The following RAP1GDS1 variants were observed in gnomAD, a reference collection of about 807,000 sequenced individuals.
RAP1GDS1 encodes the protein Rap1 GTPase-GDP dissociation stimulator 1.
Under a neutral mutation model 71.1 loss-of-function variants are expected in RAP1GDS1, and 35 were observed. The observed-to-expected ratio is 0.49, with a 90% CI of 0.38 to 0.65. The LOEUF (loss-of-function observed/expected upper bound fraction) is 0.65. RAP1GDS1 is among the 30% of genes least tolerant of loss of function. RAP1GDS1 has a pLI of 0.00. For missense variants in RAP1GDS1, 663 were observed against 706.1 expected, an observed-to-expected ratio of 0.94 and a Z score of 0.69; for synonymous variants, 229 against 243.1, an observed-to-expected ratio of 0.94 and a Z score of 0.54.
intron 4 of RAP1GDS1, among the ~76,000 whole-genome samples, chr4:98,359,122 A>T (rs908767677): frequency 6.6e-6 from 1 of 152,080 alleles, no homozygotes; most frequent in Non-Finnish European, 1.5e-5. Flanking sequence ...AAAGACAAAA[A>T]TGCCTGTAAT....
intron 5 of RAP1GDS1, among the ~76,000 whole-genome samples, chr4:98,388,843 G>A (rs1743176158): frequency 6.6e-6 from 1 of 151,404 alleles, no homozygotes; most frequent in Non-Finnish European, 1.5e-5. Flanking sequence ...TATGTATTTG[G>A]GTTATGTCTG....
At chr4:98,300,492 C>T (rs1728421200) in intron 2 of RAP1GDS1, among the ~76,000 whole-genome samples, 1 of 151,930 alleles carries the variant, frequency 6.6e-6, no homozygotes, top group Non-Finnish European at 1.5e-5. Flanking sequence ...CTCCTCCTCC[C>T]ATGTTCAAAT....
chr4:98,329,196 T>TG (rs764130639), intron 2 of RAP1GDS1, among the ~76,000 whole-genome samples: 7 of 152,218 alleles, frequency 4.6e-5, no homozygotes, highest in South Asian at 2.1e-4. Context: ...ATTTTTGAAT[T>TG]GGGGGGGCAG....
intron 2 of RAP1GDS1, among the ~76,000 whole-genome samples, chr4:98,296,310 G>T (rs760069533): frequency 6.6e-6 from 1 of 152,140 alleles, no homozygotes; most frequent in Middle Eastern, 3.4e-3. Flanking sequence ...GTGTGATTTA[G>T]TGCATTTGAA....
At chr4:98,369,984 ATC>A (rs1740118255) in intron 4 of RAP1GDS1, among the ~76,000 whole-genome samples, 1 of 152,194 alleles carries the variant, frequency 6.6e-6, no homozygotes, top group Admixed American at 6.5e-5. Context: ...ATGGCTATGA[ATC>A]TCTTTCTGAC....
At chr4:98,353,493 G>A (rs550940271) in intron 4 of RAP1GDS1, among the ~76,000 whole-genome samples, 1 of 152,198 alleles carries the variant, frequency 6.6e-6, no homozygotes, top group East Asian at 1.9e-4. Context: ...ATATAAGCCA[G>A]AAAGAAAGGA....
intron 6 of RAP1GDS1, among the ~76,000 whole-genome samples, chr4:98,401,961 A>T (rs1017318190): frequency 6.6e-6 from 1 of 152,226 alleles, no homozygotes; most frequent in Non-Finnish European, 1.5e-5. Context: ...TGATGTCTAT[A>T]TACTTTACCT....
At chr4:98,346,458 A>G (rs1736276319) in intron 3 of RAP1GDS1, among the ~76,000 whole-genome samples, 1 of 151,852 alleles carries the variant, frequency 6.6e-6, no homozygotes, top group Non-Finnish European at 1.5e-5. Flanking sequence ...TAAAGTTGAG[A>G]CTCCAGAAAA....
intron 1 of RAP1GDS1, among the ~76,000 whole-genome samples, chr4:98,265,094 T>G (rs990480399): frequency 6.6e-6 from 1 of 152,192 alleles, no homozygotes; most frequent in Non-Finnish European, 1.5e-5. Context: ...ATTTGTCAGT[T>G]GAGTGCAGGA....
At chr4:98,425,752 A>G (rs1205463725) in intron 12 of RAP1GDS1, among the ~76,000 whole-genome samples, 1 of 152,146 alleles carries the variant, frequency 6.6e-6, no homozygotes, top group Non-Finnish European at 1.5e-5. Context: ...CCTAAGAAAC[A>G]AGATAGACAG....
intron 4 of RAP1GDS1, among the ~76,000 whole-genome samples, chr4:98,373,549 A>G (rs150772107): frequency 1.3e-5 from 2 of 152,126 alleles, no homozygotes; most frequent in Non-Finnish European, 2.9e-5. Context: ...TTTTTCAGTC[A>G]TTAACTCTTA....
chr4:98,436,076 A>C (rs1751089613), intron 13 of RAP1GDS1, among the ~76,000 whole-genome samples: 1 of 143,718 alleles, frequency 7.0e-6, no homozygotes, highest in Non-Finnish European at 1.5e-5. Context: ...GTCTCAAAAA[A>C]AAAATATATA....
At chr4:98,289,117 T>A (rs541622552) in intron 1 of RAP1GDS1, among the ~76,000 whole-genome samples, 1 of 152,164 alleles carries the variant, frequency 6.6e-6, no homozygotes, top group Non-Finnish European at 1.5e-5. Flanking sequence ...TTACTGTAGA[T>A]ATGTCACCTA....
At chr4:98,395,316 T>A (rs1167574746) in intron 6 of RAP1GDS1, among the ~76,000 whole-genome samples, 1 of 152,218 alleles carries the variant, frequency 6.6e-6, no homozygotes, top group Non-Finnish European at 1.5e-5. Flanking sequence ...CAATTAAAAA[T>A]TTTAATGGAT....
Position 98,283,998 on chromosome 4 carries a change from G to A in RAP1GDS1, c.5-9410G>A, listed in dbSNP as rs1357999163. On this transcript the variant is annotated intron_variant, in intron 1 of 14. Coordinates refer to ENST00000408927, the MANE Select transcript of RAP1GDS1 (RefSeq NM_001100427.2). ...AGCACAATATCTGTGTAACTTTCAT[G>A]TAACTGAGCAAAGTTCAGCTACCTA... Among the ~76,000 whole-genome samples, 8 of 151,974 alleles carry A rather than the reference G, an allele frequency of 5.3e-5. 1 individual carries two copies. The highest frequency in any genetic ancestry group is 4.6e-4 in the Admixed American group (7 of 15,228).
At chr4:98,324,885 C>T (rs569819742) in intron 2 of RAP1GDS1, among the ~76,000 whole-genome samples, 2 of 152,084 alleles carry the variant, frequency 1.3e-5, no homozygotes, top group South Asian at 4.2e-4. Context: ...TCCAAAACAC[C>T]AAAAGCAATG....
intron 1 of RAP1GDS1, among the ~76,000 whole-genome samples, chr4:98,263,338 C>T (rs1722290307): frequency 6.6e-6 from 1 of 152,110 alleles, no homozygotes; most frequent in African/African-American, 2.4e-5. Flanking sequence ...ATGTTAAATC[C>T]GTACTTTTTC....
chr4:98,379,416 A>G (rs954397715), intron 5 of RAP1GDS1: 1 of 315,332 alleles, frequency 3.2e-6, no homozygotes, highest in Non-Finnish European at 5.7e-6. Context: ...GCCCTATAGT[A>G]TGATTTAAGC....
chr4:98,422,852 A>T (rs1490138149), intron 12 of RAP1GDS1, among the ~76,000 whole-genome samples: 7 of 152,114 alleles, frequency 4.6e-5, no homozygotes, highest in Non-Finnish European at 1.0e-4. Flanking sequence ...CACCCAGACC[A>T]CCCTAAAAGC....
Sources: allele counts gnomAD v4.1 joint callset (sites outside exome capture counted in the v4.1 genomes callset), GRCh38; gene constraint gnomAD v4.1.1; transcripts MANE v1.5; gene names NCBI Gene and HGNC (gene_info 2026-07-23, HGNC 2026-07-21).